Variants in CPEB3 observed in about 807,000 individuals in gnomAD.
CPEB3 encodes cytoplasmic polyadenylation element-binding protein 3.
A neutral mutation model predicts 67.2 loss-of-function variants in CPEB3; 20 were observed. The observed-to-expected ratio is 0.30, with a 90% confidence interval of 0.21 to 0.43. The LOEUF (loss-of-function observed/expected upper bound fraction) is 0.43. Among genes scored for constraint, CPEB3 ranks in the 20% least tolerant of loss-of-function variants. The probability of loss-of-function intolerance (pLI) is 1.00; values close to 1 mark genes in which losing one functional copy is unlikely to be tolerated. For missense variants in CPEB3, 746 were observed against 968.6 expected (o/e 0.77, Z 3.05); for synonymous variants, 376 against 393.1 (o/e 0.96, Z 0.51).
rs571902887 is a variant in CPEB3 at position 92,279,802 on chromosome 10, G to A, written c.-12+11124C>T. Among the ~76,000 whole-genome samples the A allele has an allele frequency of 2.6e-4, 40 of 152,298 alleles. 1 individual carries two copies. The highest frequency in any genetic ancestry group is 9.6e-4 in the African/African-American group (40 of 41,570). On this transcript the variant is annotated intron_variant, in intron 1 of 9. Coordinates refer to ENST00000265997, the MANE Select transcript of CPEB3 (RefSeq NM_014912.5). ...GGATCGCTCGATCTCTTGAACCCAG[G>A]AGTTTGAGACCAGCCTGGACAACAT...
chr10:92,245,482 G>GA (rs1441661428), intron 1 of CPEB3, among the ~76,000 whole-genome samples: 1 of 152,124 alleles, frequency 6.6e-6, no homozygotes, highest in Non-Finnish European at 1.5e-5. Context: ...AAGTCTGCAA[G>GA]AAAAGAATCA....
chr10:92,155,694 A>T (rs1847174660), intron 4 of CPEB3, among the ~76,000 whole-genome samples: 1 of 152,044 alleles, frequency 6.6e-6, no homozygotes, highest in African/African-American at 2.4e-5. Context: ...TCTCTCTCTC[A>T]TCATTCTCTT....
chr10:92,090,747 G>A (rs1051913287), intron 8 of CPEB3, among the ~76,000 whole-genome samples: 2 of 152,010 alleles, frequency 1.3e-5, no homozygotes, highest in African/African-American at 4.8e-5. Flanking sequence ...TTTACAAAGG[G>A]CTGCATTTGC....
At chr10:92,261,582 G>A (rs754571468) in intron 1 of CPEB3, among the ~76,000 whole-genome samples, 8 of 152,010 alleles carry the variant, frequency 5.3e-5, no homozygotes, top group Non-Finnish European at 1.0e-4. Context: ...CAAGTAGCTG[G>A]GATTACAGGC....
chr10:92,204,824 C>G (rs1025241987), intron 2 of CPEB3, among the ~76,000 whole-genome samples: 3 of 148,584 alleles, frequency 2.0e-5, no homozygotes, highest in Non-Finnish European at 3.0e-5. Flanking sequence ...AAAGCCAAAA[C>G]TATCTTAACC....
chr10:92,052,585 G>A lies in CPEB3; in HGVS notation c.1870-146C>T, dbSNP rs1841937407. 1.5e-5 allele frequency: 10 copies of A among 655,894 alleles called. No individual in the cohort carries two copies. In the South Asian group the frequency reaches 1.8e-4, roughly 12 times the overall value. The allele number at this position is 655,894 out of a possible 1,614,324, so 40.6% of individuals were successfully genotyped here. A position where few individuals can be genotyped will look rare whatever the true frequency, so the allele number is the denominator to read the frequency against. On this transcript the variant is annotated intron_variant, in intron 9 of 9. Transcript: ENST00000265997. ...TGCTGATACTGGATGGTGGTTGAGA[G>A]CATGGGCTTTGGAATAAGCTCCTTG...
intron 4 of CPEB3, among the ~76,000 whole-genome samples, chr10:92,153,759 C>T (rs192042822): frequency 1.1e-4 from 17 of 152,010 alleles, no homozygotes; most frequent in South Asian, 4.2e-4. Context: ...CAAGCCTGGG[C>T]GATGGAGTGA....
At chr10:92,233,849 C>A (rs1169495467) in intron 2 of CPEB3, among the ~76,000 whole-genome samples, 1 of 152,034 alleles carries the variant, frequency 6.6e-6, no homozygotes, top group Non-Finnish European at 1.5e-5. Context: ...GTGGCTCATG[C>A]CGGTAATCCC....
chr10:92,171,610 G>C (rs1848004465), intron 4 of CPEB3, among the ~76,000 whole-genome samples: 2 of 152,046 alleles, frequency 1.3e-5, no homozygotes, highest in Non-Finnish European at 2.9e-5. Context: ...ACATTTGTTT[G>C]GTATGTACTC....
chr10:92,227,886 C>A (rs183918131), intron 2 of CPEB3, among the ~76,000 whole-genome samples: 4 of 149,974 alleles, frequency 2.7e-5, no homozygotes, highest in Non-Finnish European at 4.4e-5. Context: ...CCACCGCGCC[C>A]GGCCTATTTT....
chr10:92,075,568 A>G (rs1842903790), intron 9 of CPEB3, among the ~76,000 whole-genome samples: 1 of 152,256 alleles, frequency 6.6e-6, no homozygotes, highest in Admixed American at 6.5e-5. Flanking sequence ...AGCTCAATAA[A>G]GCTGTTACAA....
chr10:92,188,339 A>C (rs1201896904), intron 3 of CPEB3, among the ~76,000 whole-genome samples: 11 of 149,320 alleles, frequency 7.4e-5, no homozygotes, highest in African/African-American at 1.7e-4. Context: ...AAAAAAAAAA[A>C]AAAAAAAAAA....
At position 92,199,776 on chromosome 10, in the gene CPEB3, TG is replaced by T. The variant is rs568126144; in HGVS notation, c.1006-7141del. On this transcript the variant is annotated intron_variant, in intron 2 of 9. Coordinates refer to ENST00000265997, the MANE Select transcript of CPEB3 (RefSeq NM_014912.5). ...TTATTTTCTACTCAGTATATGTTAT[TG>T]GGAAATATGTCAGGTCCCTTCTGCA... Among the ~76,000 whole-genome samples, 43 of 152,036 alleles carry T rather than the reference TG, an allele frequency of 2.8e-4. No homozygotes were observed. The South Asian group carries it at 8.7e-3, about 31-fold the overall frequency.
At chr10:92,235,547 T>C (rs920292377) in intron 2 of CPEB3, among the ~76,000 whole-genome samples, 7 of 152,252 alleles carry the variant, frequency 4.6e-5, no homozygotes, top group Non-Finnish European at 7.3e-5. Context: ...TGGGATACTT[T>C]ACTATGGGCC....
At chr10:92,146,644 G>A (rs1195928701) in intron 4 of CPEB3, among the ~76,000 whole-genome samples, 6 of 152,246 alleles carry the variant, frequency 3.9e-5, no homozygotes, top group African/African-American at 1.2e-4. Context: ...CCCAGGTAGT[G>A]TAAAAAAGAC....
rs547229404 is a variant in CPEB3, at chr10:92,049,451, A to G, written c.*2761T>C. On this transcript the variant is annotated 3_prime_UTR_variant, in exon 10 of 10. Transcript: ENST00000265997. Reference sequence around the variant, plus strand: ...GACCCTCTCTTTTAATATAACATTAACAACTTGGGGGCACATTTATTTACA... The same window carrying G: ...GACCCTCTCTTTTAATATAACATTAGCAACTTGGGGGCACATTTATTTACA... 1 of 152,662 alleles carries G rather than the reference A, an allele frequency of 6.6e-6. No homozygotes were observed. The highest frequency in any genetic ancestry group is 1.9e-4 in the East Asian group (1 of 5,190). 9.5% of individuals were successfully genotyped at this position (152,662 alleles called of 1,614,324 possible).
At chr10:92,245,807 C>T (rs1266926886) in intron 1 of CPEB3, among the ~76,000 whole-genome samples, 7 of 152,084 alleles carry the variant, frequency 4.6e-5, no homozygotes, top group African/African-American at 1.7e-4. Flanking sequence ...GAGGCCGAGG[C>T]GGCTGGATCA....
intron 1 of CPEB3, among the ~76,000 whole-genome samples, chr10:92,275,148 G>A (rs146011305): frequency 3.9e-5 from 6 of 152,258 alleles, no homozygotes; most frequent in African/African-American, 7.2e-5. Flanking sequence ...AGTTAGCTCT[G>A]GGTTTCTCAA....
intron 1 of CPEB3, among the ~76,000 whole-genome samples, chr10:92,288,566 G>A (rs1842647464): frequency 6.6e-6 from 1 of 152,052 alleles, no homozygotes; most frequent in South Asian, 2.1e-4. Context: ...GAATTACTGG[G>A]TCACATGCTA....
Sources: gnomAD v4.1 joint callset for allele counts (sites outside exome capture counted in the v4.1 genomes callset) on GRCh38, gnomAD v4.1.1 for gene constraint, MANE v1.5 for transcripts, NCBI Gene and HGNC (gene_info 2026-07-23, HGNC 2026-07-21) for gene names.